DLGAP1: variants seen among roughly 807,000 people sequenced by gnomAD.
DLGAP1 encodes DLG associated protein 1, also known as disks large-associated protein 1.
A neutral mutation model predicts 90.8 loss-of-function variants in DLGAP1; 11 were observed. The ratio of observed to expected loss-of-function variants is 0.12; its 90% CI spans 0.08 to 0.20. The LOEUF (loss-of-function observed/expected upper bound fraction) is 0.20. Ranked by LOEUF, DLGAP1 falls within the 10% of genes least tolerant of loss-of-function variation. The pLI, the probability that DLGAP1 is intolerant of heterozygous loss-of-function variation, is 1.00. For missense variants in DLGAP1, 1,050 were observed against 1,333.8 expected, an observed-to-expected ratio of 0.79 and a Z score of 3.31; for synonymous variants, 558 against 540.7, an observed-to-expected ratio of 1.03 and a Z score of -0.44.
chr18:4,044,647 A>C (rs768343260), intron 2 of DLGAP1, among the ~76,000 whole-genome samples: 51 of 152,186 alleles, frequency 3.4e-4, no homozygotes, highest in Non-Finnish European at 6.5e-4. Context: ...AGGCTGAGGC[A>C]GGAGAATTGC....
chr18:3,967,605 T>C (rs1243859440), intron 3 of DLGAP1, among the ~76,000 whole-genome samples: 1 of 152,190 alleles, frequency 6.6e-6, no homozygotes, highest in Non-Finnish European at 1.5e-5. Flanking sequence ...TCTGCAGAGC[T>C]GTCATTTAAG....
intron 7 of DLGAP1, among the ~76,000 whole-genome samples, chr18:3,672,287 G>A (rs1277781322): frequency 6.6e-6 from 1 of 151,418 alleles, no homozygotes; most frequent in Non-Finnish European, 1.5e-5. Flanking sequence ...TTTCTTGAAA[G>A]TTAACAAGAG....
In DLGAP1 at chr18:3,707,024, G is replaced by C. The variant is rs550232450; in HGVS notation, c.1591+22111C>G. On this transcript the variant is annotated intron_variant, in intron 7 of 12. Transcript: ENST00000315677. ...GAACTGAATGACATCAAAGTATTAC[G>C]CATGCAATTGTGGGTTACATGGAGA... Among the ~76,000 whole-genome samples, 6 of 152,286 alleles carry C rather than the reference G, an allele frequency of 3.9e-5. No homozygotes were observed. The East Asian group carries it at 7.7e-4, about 20-fold the overall frequency.
At chr18:4,256,987 T>A (rs151168704) in intron 1 of DLGAP1, among the ~76,000 whole-genome samples, 97 of 152,274 alleles carry the variant, frequency 6.4e-4, no homozygotes, top group Non-Finnish European at 1.3e-3. Context: ...GACTCTGGCA[T>A]AGATTCTGGC....
chr18:3,559,624 C>CTTTTT (rs34093132), intron 9 of DLGAP1, among the ~76,000 whole-genome samples: 2 of 129,896 alleles, frequency 1.5e-5, no homozygotes, highest in African/African-American at 3.0e-5. Flanking sequence ...ATCCAATCCA[C>CTTTTT]TTTTTTTTTT....
Position 3,759,257 on chromosome 18 carries a change from C to CAA in DLGAP1, c.1173-16747_1173-16746dup, listed in dbSNP as rs397754258. Among the ~76,000 whole-genome samples the CAA allele has an allele frequency of 2.0e-3, 214 of 105,090 alleles. 1 individual carries two copies. Among genetic ancestry groups the CAA allele is most frequent in the East Asian group, 4.4e-3 (19 of 4,318 alleles). The allele number at this position is 105,090 out of a possible 152,430, so 68.9% of individuals were successfully genotyped here. A position where few individuals can be genotyped will look rare whatever the true frequency, so the allele number is the denominator to read the frequency against. On this transcript the variant is annotated intron_variant, in intron 5 of 12. Coordinates refer to ENST00000315677, the MANE Select transcript of DLGAP1 (RefSeq NM_004746.4). ...ATTTGCTCCATCTATATTGCTCTGC[C>CAA]AAAAAAAAAAAAAAACAAAACCCAA...
intron 1 of DLGAP1, among the ~76,000 whole-genome samples, chr18:4,262,867 A>G (rs946981443): frequency 1.3e-5 from 2 of 152,214 alleles, no homozygotes; most frequent in African/African-American, 4.8e-5. Flanking sequence ...ACCCCTGTAA[A>G]GCACTAAGAA....
At chr18:4,431,790 A>G (rs1417162677) in intron 1 of DLGAP1, among the ~76,000 whole-genome samples, 2 of 152,198 alleles carry the variant, frequency 1.3e-5, no homozygotes, top group Non-Finnish European at 2.9e-5. Flanking sequence ...AGTTTTACAA[A>G]GAGTTCTCTT....
chr18:3,687,138 T>G (rs1168861729), intron 7 of DLGAP1, among the ~76,000 whole-genome samples: 1 of 152,230 alleles, frequency 6.6e-6, no homozygotes, highest in East Asian at 1.9e-4. Context: ...TGCTGACATC[T>G]TAATTTTAGC....
At chr18:4,055,984 T>C (rs1323852763) in intron 2 of DLGAP1, among the ~76,000 whole-genome samples, 1 of 152,194 alleles carries the variant, frequency 6.6e-6, no homozygotes, top group Non-Finnish European at 1.5e-5. Context: ...AGAGGAGGTG[T>C]ATACTTTTAC....
intron 1 of DLGAP1, among the ~76,000 whole-genome samples, chr18:4,260,828 A>G (rs1351236662): frequency 6.6e-6 from 1 of 152,224 alleles, no homozygotes; most frequent in Non-Finnish European, 1.5e-5. Context: ...GAACTGGATA[A>G]TACAAACAAA....
chr18:4,281,611 T>C (rs1568488682), intron 1 of DLGAP1, among the ~76,000 whole-genome samples: 1 of 152,196 alleles, frequency 6.6e-6, no homozygotes, highest in Non-Finnish European at 1.5e-5. Flanking sequence ...TCTGCAATAA[T>C]TCGCTTTCAT....
intron 4 of DLGAP1, among the ~76,000 whole-genome samples, chr18:3,860,453 C>T (rs2069976383): frequency 6.6e-6 from 1 of 152,186 alleles, no homozygotes; most frequent in South Asian, 2.1e-4. Context: ...CTCCACATTA[C>T]AGAGGAGGAG....
intron 3 of DLGAP1, among the ~76,000 whole-genome samples, chr18:3,927,814 A>T (rs1599171288): frequency 6.6e-6 from 1 of 152,200 alleles, no homozygotes; most frequent in Non-Finnish European, 1.5e-5. Flanking sequence ...AGCAGCATGA[A>T]TTTTTTCCCA....
At chr18:4,414,743 T>C (rs577899288) in intron 1 of DLGAP1, among the ~76,000 whole-genome samples, 246 of 150,384 alleles carry the variant, frequency 1.6e-3, no homozygotes, top group African/African-American at 5.6e-3. Flanking sequence ...AAAAGAATCA[T>C]GATAAGTAAT....
At chr18:4,035,733 G>A (rs1221118903) in intron 2 of DLGAP1, among the ~76,000 whole-genome samples, 1 of 152,092 alleles carries the variant, frequency 6.6e-6, no homozygotes, top group Non-Finnish European at 1.5e-5. Flanking sequence ...GACACTAATC[G>A]GTTGCTAATG....
intron 1 of DLGAP1, among the ~76,000 whole-genome samples, chr18:4,192,439 C>T (rs1363786795): frequency 1.3e-5 from 2 of 152,284 alleles, no homozygotes; most frequent in Non-Finnish European, 2.9e-5. Flanking sequence ...AATAGTAATA[C>T]AATAAATTTA....
chr18:4,086,081 A>G (rs1202772048), intron 2 of DLGAP1, among the ~76,000 whole-genome samples: 1 of 152,136 alleles, frequency 6.6e-6, no homozygotes, highest in African/African-American at 2.4e-5. Context: ...AGAATGTCCA[A>G]CTCTGCTTCT....
intron 2 of DLGAP1, among the ~76,000 whole-genome samples, chr18:4,132,679 T>A (rs1352041436): frequency 6.6e-6 from 1 of 152,198 alleles, no homozygotes; most frequent in Non-Finnish European, 1.5e-5. Flanking sequence ...CCTGCTGATT[T>A]CTGGCAAAAG....
Sources: gnomAD v4.1 joint callset for allele counts (sites outside exome capture counted in the v4.1 genomes callset) on GRCh38, gnomAD v4.1.1 for gene constraint, MANE v1.5 for transcripts, NCBI Gene and HGNC (gene_info 2026-07-23, HGNC 2026-07-21) for gene names.